The following MAGI2 variants were observed in gnomAD, a reference collection of about 807,000 sequenced individuals.
MAGI2 encodes membrane-associated guanylate kinase, WW and PDZ domain-containing protein 2.
MAGI2 carries 35 observed loss-of-function variants against 133.3 expected under a neutral mutation model. The ratio of observed to expected loss-of-function variants is 0.26; its 90% CI spans 0.20 to 0.35. The LOEUF (loss-of-function observed/expected upper bound fraction) is 0.35, where lower values mean the gene tolerates loss of function less well. MAGI2 is among the 10% of genes least tolerant of loss of function. The pLI, the probability that MAGI2 is intolerant of heterozygous loss-of-function variation, is 1.00. For synonymous variants in MAGI2, 729 were observed against 710.6 expected (o/e 1.03, Z -0.41); for missense variants, 1,636 against 1,863.4 (o/e 0.88, Z 2.25).
intron 2 of MAGI2, among the ~76,000 whole-genome samples, chr7:78,991,590 CTTT>C (rs537865391): frequency 1.4e-5 from 2 of 139,250 alleles, no homozygotes; most frequent in Non-Finnish European, 3.1e-5. Context: ...CTTCATTGTC[CTTT>C]TTTTTTTTTT....
At chr7:78,289,625 A>T (rs905742323) in intron 9 of MAGI2, among the ~76,000 whole-genome samples, 3 of 152,152 alleles carry the variant, frequency 2.0e-5, no homozygotes, top group Non-Finnish European at 2.9e-5. Context: ...CCTCGAGAAG[A>T]GCAACCACAA....
At position 78,113,207 on chromosome 7, in the gene MAGI2, G is replaced by A. The variant is rs553288237; in HGVS notation, c.3567+12487C>T. Reference sequence around the variant, plus strand: ...CAGGGCCTGGCAGCCTTGTGATGAGGGTCTGATCTTTAATCTGAAAGACCA... The same window carrying A: ...CAGGGCCTGGCAGCCTTGTGATGAGAGTCTGATCTTTAATCTGAAAGACCA... On this transcript the variant is annotated intron_variant, in intron 20 of 21. Coordinates refer to ENST00000354212, the MANE Select transcript of MAGI2 (RefSeq NM_012301.4). 3.7e-3 allele frequency among the ~76,000 whole-genome samples: 561 copies of A among 152,128 alleles called. 2 individuals are homozygous for A. Among genetic ancestry groups the A allele is most frequent in the African/African-American group, 0.013 (528 of 41,494 alleles).
intron 1 of MAGI2, among the ~76,000 whole-genome samples, chr7:79,441,251 C>G (rs191341461): frequency 1.6e-3 from 236 of 152,246 alleles, no homozygotes; most frequent in Non-Finnish European, 1.7e-3. Context: ...AAAATACATT[C>G]CAGGTAGACA....
intron 6 of MAGI2, among the ~76,000 whole-genome samples, chr7:78,445,608 T>G (rs10259327): frequency 6.6e-6 from 1 of 152,054 alleles, no homozygotes; most frequent in South Asian, 2.1e-4. Flanking sequence ...CCACAAAAGT[T>G]TAGGTTCACC....
intron 1 of MAGI2, among the ~76,000 whole-genome samples, chr7:79,019,352 A>G (rs1809056786): frequency 6.6e-6 from 1 of 151,804 alleles, no homozygotes; most frequent in African/African-American, 2.4e-5. Flanking sequence ...CTCTCATGAG[A>G]TCTAATTGTT....
intron 4 of MAGI2, among the ~76,000 whole-genome samples, chr7:78,511,388 A>G (rs1366229680): frequency 6.6e-6 from 1 of 151,912 alleles, no homozygotes; most frequent in African/African-American, 2.4e-5. Flanking sequence ...CAGTTCATCA[A>G]GAAGTCCAGA....
intron 2 of MAGI2, among the ~76,000 whole-genome samples, chr7:78,713,081 A>T (rs1206234160): frequency 6.6e-6 from 1 of 152,172 alleles, no homozygotes; most frequent in African/African-American, 2.4e-5. Context: ...CCCAAAAAAT[A>T]TGCTTTTGGA....
At chr7:78,333,317 G>T (rs1034621045) in intron 9 of MAGI2, among the ~76,000 whole-genome samples, 1 of 152,128 alleles carries the variant, frequency 6.6e-6, no homozygotes, top group African/African-American at 2.4e-5. Flanking sequence ...AAAGTGAAAG[G>T]TACTTTCTTA....
chr7:78,772,803 T>C (rs1825695182), intron 2 of MAGI2, among the ~76,000 whole-genome samples: 1 of 152,190 alleles, frequency 6.6e-6, no homozygotes, highest in African/African-American at 2.4e-5. Context: ...AATAAAAAAA[T>C]CTTCCCTCGA....
chr7:78,392,437 C>T (rs886161375), intron 6 of MAGI2, among the ~76,000 whole-genome samples: 1 of 151,978 alleles, frequency 6.6e-6, no homozygotes, highest in African/African-American at 2.4e-5. Flanking sequence ...TTTAAGATAA[C>T]TATCCTAGTT....
At chr7:78,791,004 G>A (rs1413287125) in intron 2 of MAGI2, among the ~76,000 whole-genome samples, 1 of 152,238 alleles carries the variant, frequency 6.6e-6, no homozygotes, top group South Asian at 2.1e-4. Context: ...AAAACAAGAA[G>A]ATTAAATGAA....
chr7:78,792,139 T>C (rs1787211479), intron 2 of MAGI2, among the ~76,000 whole-genome samples: 1 of 151,478 alleles, frequency 6.6e-6, no homozygotes, highest in South Asian at 2.1e-4. Flanking sequence ...CATGGGGGAG[T>C]TGAACAAGTT....
chr7:78,698,627 A>G (rs1264725975), intron 2 of MAGI2, among the ~76,000 whole-genome samples: 1 of 152,228 alleles, frequency 6.6e-6, no homozygotes, highest in Non-Finnish European at 1.5e-5. Flanking sequence ...TAATAAAGAT[A>G]TACCCCAAAC....
chr7:79,089,808 A>G (rs1181432595), intron 1 of MAGI2, among the ~76,000 whole-genome samples: 3 of 152,086 alleles, frequency 2.0e-5, no homozygotes, highest in African/African-American at 7.2e-5. Flanking sequence ...ACACATGGTC[A>G]CAGGGAAGGG....
chr7:78,142,578 A>G (rs1822870225), intron 16 of MAGI2, among the ~76,000 whole-genome samples: 1 of 152,206 alleles, frequency 6.6e-6, no homozygotes, highest in Non-Finnish European at 1.5e-5. Flanking sequence ...CACTGTGAAA[A>G]TTATTCTTAT....
intron 2 of MAGI2, among the ~76,000 whole-genome samples, chr7:78,981,125 A>G (rs1431682593): frequency 1.3e-5 from 2 of 151,452 alleles, no homozygotes; most frequent in Non-Finnish European, 2.9e-5. Context: ...ATGTATATGT[A>G]TTTATCTCAC....
intron 1 of MAGI2, among the ~76,000 whole-genome samples, chr7:79,037,582 A>C (rs1366804732): frequency 6.6e-6 from 1 of 152,142 alleles, no homozygotes; most frequent in African/African-American, 2.4e-5. Context: ...ACTAAGAGTA[A>C]TTGTTTTATT....
At chr7:78,270,468 G>T (rs1448962540) in intron 9 of MAGI2, among the ~76,000 whole-genome samples, 1 of 152,058 alleles carries the variant, frequency 6.6e-6, no homozygotes, top group Non-Finnish European at 1.5e-5. Context: ...TTCTTGAAGA[G>T]GTCCTTCACA....
chr7:78,938,926 A>C (rs1445483391), intron 2 of MAGI2, among the ~76,000 whole-genome samples: 1 of 152,212 alleles, frequency 6.6e-6, no homozygotes, highest in East Asian at 1.9e-4. Context: ...TTAAGAGAAG[A>C]GAGCCTACCG....
Sources: gnomAD v4.1 joint callset for allele counts (sites outside exome capture counted in the v4.1 genomes callset) on GRCh38, gnomAD v4.1.1 for gene constraint, MANE v1.5 for transcripts, NCBI Gene and HGNC (gene_info 2026-07-23, HGNC 2026-07-21) for gene names.